BLK: variants seen among roughly 807,000 people sequenced by gnomAD.
BLK encodes the protein tyrosine-protein kinase Blk.
BLK carries 64 observed loss-of-function variants against 61.8 expected under a neutral mutation model. The ratio of observed to expected loss-of-function variants is 1.03; its 90% CI spans 0.85 to 1.27. The LOEUF (loss-of-function observed/expected upper bound fraction) is 1.27. BLK is among the 50% of genes most tolerant of loss of function. The pLI, the probability that BLK is intolerant of heterozygous loss-of-function variation, is 0.00. For missense variants in BLK, 853 were observed against 660.5 expected (o/e 1.29, Z -3.19); for synonymous variants, 351 against 272.0 (o/e 1.29, Z -2.86).
At chr8:11,502,074 C>T (rs1251083981) in intron 1 of BLK, among the ~76,000 whole-genome samples, 2 of 152,198 alleles carry the variant, frequency 1.3e-5, no homozygotes, top group East Asian at 1.9e-4. Flanking sequence ...AACATGGGTT[C>T]GAGATGCGCA....
intron 10 of BLK, chr8:11,560,449 T>A (rs1425669276): frequency 3.0e-5 from 7 of 234,440 alleles, no homozygotes; most frequent in Admixed American, 1.6e-4. Flanking sequence ...ACCAACAAAA[T>A]GCAAGCATAA....
intron 1 of BLK, among the ~76,000 whole-genome samples, chr8:11,516,682 T>C (rs777251998): frequency 5.9e-5 from 9 of 152,200 alleles, no homozygotes; most frequent in Non-Finnish European, 1.0e-4. Context: ...AATCATACAG[T>C]GTTTGTCCTT....
intron 1 of BLK, among the ~76,000 whole-genome samples, chr8:11,522,169 T>C (rs1203538212): frequency 2.0e-5 from 3 of 152,176 alleles, no homozygotes; most frequent in African/African-American, 4.8e-5. Context: ...ATGTGTTTAG[T>C]TGGCATTGGA....
At chr8:11,526,869 G>A (rs572282837) in intron 1 of BLK, among the ~76,000 whole-genome samples, 3 of 152,228 alleles carry the variant, frequency 2.0e-5, no homozygotes, top group East Asian at 1.9e-4. Flanking sequence ...AATTAAGTGG[G>A]ATAATTGAAT....
At chr8:11,530,841 C>T (rs999882503) in intron 1 of BLK, among the ~76,000 whole-genome samples, 1 of 152,208 alleles carries the variant, frequency 6.6e-6, no homozygotes, top group Non-Finnish European at 1.5e-5. Context: ...TATGTCAAGT[C>T]TTTCTGTGGT....
At chr8:11,496,138 C>T (rs1798351004) in intron 1 of BLK, among the ~76,000 whole-genome samples, 2 of 152,164 alleles carry the variant, frequency 1.3e-5, no homozygotes, top group Admixed American at 1.3e-4. Context: ...TACCTGATTC[C>T]AGAATAGCTC....
At chr8:11,514,830 G>A (rs1294188596) in intron 1 of BLK, among the ~76,000 whole-genome samples, 1 of 152,140 alleles carries the variant, frequency 6.6e-6, no homozygotes, top group African/African-American at 2.4e-5. Flanking sequence ...CATACTTTCT[G>A]TATCATATGC....
chr8:11,536,882 T>C (rs1236400199), intron 1 of BLK, among the ~76,000 whole-genome samples: 3 of 152,260 alleles, frequency 2.0e-5, no homozygotes, highest in South Asian at 4.1e-4. Flanking sequence ...TACAGAATCA[T>C]GCCCACTCTG....
intron 1 of BLK, among the ~76,000 whole-genome samples, chr8:11,518,868 T>C (rs1055403591): frequency 6.6e-6 from 1 of 152,182 alleles, no homozygotes. Flanking sequence ...TAGAGCCGTC[T>C]CTCTGCTCTG....
intron 1 of BLK, among the ~76,000 whole-genome samples, chr8:11,516,470 A>C (rs1799230421): frequency 6.6e-6 from 1 of 152,198 alleles, no homozygotes; most frequent in African/African-American, 2.4e-5. Context: ...CTACTCAAGG[A>C]ACATTTATTA....
chr8:11,536,056 C>G (rs1375323933), intron 1 of BLK, among the ~76,000 whole-genome samples: 2 of 152,178 alleles, frequency 1.3e-5, no homozygotes, highest in African/African-American at 2.4e-5. Flanking sequence ...AAGCAAGAAG[C>G]TATTTTTAAG....
Position 11,494,565 on chromosome 8 carries a change from G to C in BLK, c.-28G>C, listed in dbSNP as rs1487052244. ...GGGTGTCAGGATCTGAAGAGCTATG[G>C]TGAAACACCACTGAAGCATTGCCAA... On this transcript the variant is annotated 5_prime_UTR_variant, in exon 1 of 13. Coordinates refer to ENST00000259089, the MANE Select transcript of BLK (RefSeq NM_001715.3). 6.6e-6 allele frequency: 1 copy of C among 152,282 alleles called. No individual in the cohort carries two copies. Among genetic ancestry groups the C allele is most frequent in the Non-Finnish European group, 1.5e-5 (1 of 68,096 alleles). 9.4% of individuals were successfully genotyped at this position (152,282 alleles called of 1,614,324 possible).
intron 12 of BLK, 149 bp downstream of exon 12, chr8:11,563,259 G>A (rs1801574825): frequency 1.7e-6 from 2 of 1,182,770 alleles, no homozygotes; most frequent in East Asian, 2.6e-5. Flanking sequence ...CATCTGGGGT[G>A]GAGCTCTGCC....
chr8:11,558,956 G>T (rs992087758), intron 10 of BLK: 1 of 456,030 alleles, frequency 2.2e-6, no homozygotes, highest in Non-Finnish European at 4.4e-6. Flanking sequence ...GCCTTTTTCC[G>T]CTGAGGTGGG....
intron 1 of BLK, among the ~76,000 whole-genome samples, chr8:11,511,788 A>G (rs1174858780): frequency 6.6e-6 from 1 of 152,190 alleles, no homozygotes. Flanking sequence ...CATGAGATCA[A>G]TGTGCCCTCT....
intron 2 of BLK, among the ~76,000 whole-genome samples, chr8:11,544,217 G>A (rs1452923651): frequency 6.6e-6 from 1 of 152,126 alleles, no homozygotes; most frequent in South Asian, 2.1e-4. Context: ...CACCTGCCTT[G>A]GCCTCCCAAA....
At chr8:11,555,507 G>A (rs776047429) in intron 8 of BLK, 23 bp downstream of exon 8, 24 of 1,613,784 alleles carry the variant, frequency 1.5e-5, no homozygotes, top group South Asian at 1.4e-4. Context: ...ACACGTGGGA[G>A]CATTTCTCCC....
chr8:11,501,200 T>TA (rs1798547637), intron 1 of BLK, among the ~76,000 whole-genome samples: 1 of 152,256 alleles, frequency 6.6e-6, no homozygotes, highest in East Asian at 1.9e-4. Flanking sequence ...TGAAAAAAAT[T>TA]AAAAATTAAA....
chr8:11,555,670 C>T (rs572913609), intron 8 of BLK, 186 bp downstream of exon 8: 1 of 916,566 alleles, frequency 1.1e-6, no homozygotes, highest in African/African-American at 1.6e-5. Flanking sequence ...GTTGTAACAG[C>T]TGGGACCGCT....
Sources: gnomAD v4.1 joint callset for allele counts (sites outside exome capture counted in the v4.1 genomes callset) on GRCh38, gnomAD v4.1.1 for gene constraint, MANE v1.5 for transcripts, NCBI Gene and HGNC (gene_info 2026-07-23, HGNC 2026-07-21) for gene names.